The following BRSK1 variants were observed in gnomAD, a reference collection of about 807,000 sequenced individuals.
BRSK1 encodes serine/threonine-protein kinase BRSK1.
A neutral mutation model predicts 86.2 loss-of-function variants in BRSK1; 17 were observed. The ratio of observed to expected loss-of-function variants is 0.20; its 90% CI spans 0.14 to 0.30. The LOEUF (loss-of-function observed/expected upper bound fraction) is 0.30, where lower values mean the gene tolerates loss of function less well. BRSK1 is among the 10% of genes least tolerant of loss of function. BRSK1 has a pLI of 1.00. For synonymous variants in BRSK1, 464 were observed against 440.1 expected, an observed-to-expected ratio of 1.05 and a Z score of -0.68; for missense variants, 719 against 1,071.9, an observed-to-expected ratio of 0.67 and a Z score of 4.60.
At position 55,304,406 on chromosome 19, in the gene BRSK1, T is replaced by A. The variant is rs35123614; in HGVS notation, c.1348-145T>A. On this transcript the variant is annotated intron_variant, in intron 13 of 18. Coordinates refer to ENST00000309383, the MANE Select transcript of BRSK1 (RefSeq NM_032430.2). The surrounding 1 kb of genome is among the most constrained non-coding windows in gnomAD (Gnocchi z 5.2). Reference sequence around the variant, plus strand: ...GATAGAAAGTCTTTGCTATCCTTGCTCTGGGGCCTGGGAAGGAGGATACTT... The same window carrying A: ...GATAGAAAGTCTTTGCTATCCTTGCACTGGGGCCTGGGAAGGAGGATACTT... 94,305 of 1,077,822 alleles carry A rather than the reference T, an allele frequency of 0.087. 4,966 individuals carry two copies. The highest frequency in any genetic ancestry group is 0.18 in the African/African-American group (11,408 of 61,682). 66.8% of individuals were successfully genotyped at this position (1,077,822 alleles called of 1,614,324 possible).
Position 55,306,158 on chromosome 19 carries a change from C to T in BRSK1, c.1891-94C>T. The T allele has an allele frequency of 7.9e-7, 1 of 1,270,376 alleles. No homozygotes were observed. The highest frequency in any genetic ancestry group is 1.1e-6 in the Non-Finnish European group (1 of 904,074). The allele number at this position is 1,270,376 out of a possible 1,614,324, so 78.7% of individuals were successfully genotyped here. On this transcript the variant is annotated intron_variant, in intron 16 of 18. Transcript: ENST00000309383. This position sits in a 1 kb window ranked among gnomAD's most constrained non-coding sequence, Gnocchi z 4.7. Reference sequence around the variant, plus strand: ...TCCTGTCCTTCTTTCCCTCCAGTGGCTCATGGGACTCGTAGTTCCTTGGCC... The same window carrying T: ...TCCTGTCCTTCTTTCCCTCCAGTGGTTCATGGGACTCGTAGTTCCTTGGCC...
rs758318365 is a variant in BRSK1 at position 55,305,494 on chromosome 19, A to G, written c.1798A>G (p.Ile600Val). ...LAKRSWFGNF[I>V]SLDKEEQIFL... ...AAAACGCTCCTGGTTCGGGAACTTC[A>G]TCTCCTTGGACAAAGAAGAACAAAT... Residue 600 changes from isoleucine to valine, a missense_variant, in exon 16 of 19, where the codon ATC becomes GTC. Ile to Val is a conservative substitution (Grantham distance 29, BLOSUM62 3). Coordinates refer to ENST00000309383, the MANE Select transcript of BRSK1 (RefSeq NM_032430.2). 10 of 1,614,128 alleles carry G rather than the reference A, an allele frequency of 6.2e-6. No individual in the cohort carries two copies. Among genetic ancestry groups the G allele is most frequent in the Non-Finnish European group, 7.6e-6 (9 of 1,180,014 alleles).
intron 8 of BRSK1, 57 bp downstream of exon 8, chr19:55,301,715 C>T (rs1188952307): frequency 5.1e-6 from 8 of 1,570,050 alleles, no homozygotes; most frequent in South Asian, 3.4e-5. Flanking sequence ...AGACAGAACC[C>T]CCTAGAAAAG....
chr19:55,285,060 A>T (rs2088289631), intron 1 of BRSK1, among the ~76,000 whole-genome samples: 1 of 132,992 alleles, frequency 7.5e-6, no homozygotes, highest in Non-Finnish European at 1.6e-5. Context: ...TCTGGGTCTG[A>T]GGGAGGAGGG....
At chr19:55,296,845 C>T (rs1202546763) in intron 7 of BRSK1, among the ~76,000 whole-genome samples, 1 of 151,230 alleles carries the variant, frequency 6.6e-6, no homozygotes, top group Non-Finnish European at 1.5e-5. Flanking sequence ...GAGACTCCGT[C>T]TCAAAAAAAA....
In BRSK1 at chr19:55,305,543, C is replaced by T. The variant is rs1485282267; in HGVS notation, c.1847C>T (p.Pro616Leu). The T allele has an allele frequency of 1.2e-5, 20 of 1,614,084 alleles. No homozygotes were observed. Among genetic ancestry groups the T allele is most frequent in the African/African-American group, 2.7e-5 (2 of 74,936 alleles). Reference protein sequence around the residue: ...EQIFLVLKDKPLSSIKADIVH... With the variant: ...EQIFLVLKDKLLSSIKADIVH... ...ATATTCCTCGTGCTAAAGGACAAACCTCTCAGCAGCATCAAAGCAGACATC... is the reference window on the plus strand; with the variant it reads ...ATATTCCTCGTGCTAAAGGACAAACTTCTCAGCAGCATCAAAGCAGACATC... Residue 616 changes from proline (P) to leucine (L), a missense_variant, in exon 16 of 19, where the codon CCT (proline) becomes CTT (leucine). By Grantham distance (98) the Pro-to-Leu change is moderately conservative. This residue lies in a region of BRSK1 where 180 missense variants were observed against 259.4 expected (regional missense o/e 0.69). Transcript: ENST00000309383.
chr19:55,297,615 G>C (rs75987748), intron 7 of BRSK1, among the ~76,000 whole-genome samples: 1 of 151,772 alleles, frequency 6.6e-6, no homozygotes, highest in African/African-American at 2.4e-5. Context: ...CTCTGGAGAC[G>C]AGCTAAGAAT....
At chr19:55,291,005 T>TG (rs2088397847) in intron 4 of BRSK1, among the ~76,000 whole-genome samples, 1 of 75,012 alleles carries the variant, frequency 1.3e-5, no homozygotes, top group African/African-American at 6.3e-5. Context: ...ACTAAGGTCT[T>TG]CTGTATATTT....
Position 55,302,913 on chromosome 19 carries a change from C to G in BRSK1, c.1028+46C>G. 4.4e-6 allele frequency: 7 copies of G among 1,583,962 alleles called. No individual in the cohort carries two copies. The highest frequency in any genetic ancestry group is 6.0e-6 in the Non-Finnish European group (7 of 1,159,886). ...CACCCGTGTACCCACGTGGGGCGAG[C>G]TGCAGCAGCTCCCTGCGCACATGCA... On this transcript the variant is annotated intron_variant, in intron 10 of 18. Coordinates refer to ENST00000309383, the MANE Select transcript of BRSK1 (RefSeq NM_032430.2). This position sits in a 1 kb window ranked among gnomAD's most constrained non-coding sequence, Gnocchi z 6.3.
chr19:55,299,034 C>T (rs2088531589), intron 7 of BRSK1, among the ~76,000 whole-genome samples: 1 of 152,044 alleles, frequency 6.6e-6, no homozygotes, highest in Admixed American at 6.6e-5. Flanking sequence ...GAGTTCGAGA[C>T]CAGCCTGGCC....
chr19:55,305,212 C>G (rs929821783), intron 14 of BRSK1, 109 bp from the exon 15 acceptor site: 9 of 1,443,718 alleles, frequency 6.2e-6, no homozygotes, highest in Non-Finnish European at 8.6e-6. Context: ...TTGGCCGAGG[C>G]TGCAACCCAA....
chr19:55,284,145 C>A lies in BRSK1; in HGVS notation c.-298C>A. On this transcript the variant is annotated 5_prime_UTR_variant, in exon 1 of 19. Coordinates refer to ENST00000309383, the MANE Select transcript of BRSK1 (RefSeq NM_032430.2). ...CGGCCCGCACCTCAGACCCCCCCGG[C>A]GGGGGGAGGCGCAGGAAGCGGGGGG... The A allele has an allele frequency of 4.1e-6, 4 of 979,602 alleles. No individual in the cohort carries two copies. The highest frequency in any genetic ancestry group is 1.8e-5 in the African/African-American group (1 of 55,032). The allele number at this position is 979,602 out of a possible 1,614,324, so 60.7% of individuals were successfully genotyped here. A position where few individuals can be genotyped will look rare whatever the true frequency, so the allele number is the denominator to read the frequency against.
Position 55,302,341 on chromosome 19 carries a change from G to C in BRSK1, c.857+173G>C. 1.3e-6 allele frequency: 1 copy of C among 776,054 alleles called. No individual in the cohort carries two copies. The highest frequency in any genetic ancestry group is 2.2e-6 in the Non-Finnish European group (1 of 454,124). 48.1% of individuals were successfully genotyped at this position (776,054 alleles called of 1,614,324 possible). On this transcript the variant is annotated intron_variant, in intron 9 of 18. Coordinates refer to ENST00000309383, the MANE Select transcript of BRSK1 (RefSeq NM_032430.2). This position sits in a 1 kb window ranked among gnomAD's most constrained non-coding sequence, Gnocchi z 6.3. Reference sequence around the variant, plus strand: ...ACACAGCTAGAGAAGGAGTCTAGGGGTCAGAGGCAGGAGGGGCTAAGCTAG... The same window carrying C: ...ACACAGCTAGAGAAGGAGTCTAGGGCTCAGAGGCAGGAGGGGCTAAGCTAG...
rs2088329161 is a variant in BRSK1 at position 55,287,117 on chromosome 19, G to C, written c.231+16G>C. 1 of 1,612,496 alleles carries C rather than the reference G, an allele frequency of 6.2e-7. No homozygotes were observed. Among genetic ancestry groups the C allele is most frequent in the East Asian group, 2.2e-5 (1 of 44,714 alleles). On this transcript the variant is annotated intron_variant, in intron 2 of 18. Transcript: ENST00000309383. This position sits in a 1 kb window ranked among gnomAD's most constrained non-coding sequence, Gnocchi z 5.3. Reference sequence around the variant, plus strand: ...GCTGATGAAGGTGTGTGCGCCTGCTGCAGTGTGCCTGCGGGTGGGGGGGCC... The same window carrying C: ...GCTGATGAAGGTGTGTGCGCCTGCTCCAGTGTGCCTGCGGGTGGGGGGGCC...
Position 55,308,695 on chromosome 19 carries a change from A to C in BRSK1, c.2146A>C (p.Thr716Pro). 1 of 1,601,720 alleles carries C rather than the reference A, an allele frequency of 6.2e-7. No individual in the cohort carries two copies. Among genetic ancestry groups the C allele is most frequent in the Non-Finnish European group, 8.5e-7 (1 of 1,175,656 alleles). The change falls in exon 18 of 19, where the codon ACT (threonine) becomes CCT (proline). Residue 716 changes from threonine to proline, a missense_variant. Thr to Pro is a conservative substitution (Grantham distance 38). Transcript: ENST00000309383. ...VETIQAQLLS[T>P]HDQPSVQALA... ...GACCATCCAGGCACAGCTCCTGAGC[A>C]CTCATGACCAGCCCTCCGTGCAGGC...
chr19:55,302,277 G>GAT lies in BRSK1; in HGVS notation c.857+109_857+110insAT, dbSNP rs1600185754. 30 of 1,293,238 alleles carry GAT rather than the reference G, an allele frequency of 2.3e-5. No homozygotes were observed. The East Asian group carries it at 6.9e-4, about 30-fold the overall frequency. The allele number at this position is 1,293,238 out of a possible 1,614,324, so 80.1% of individuals were successfully genotyped here. A position where few individuals can be genotyped will look rare whatever the true frequency, so the allele number is the denominator to read the frequency against. On this transcript the variant is annotated intron_variant, in intron 9 of 18. Coordinates refer to ENST00000309383, the MANE Select transcript of BRSK1 (RefSeq NM_032430.2). The surrounding 1 kb of genome is among the most constrained non-coding windows in gnomAD (Gnocchi z 6.3). ...GATGCCAGGGTTCCTGAGAGGCAAC[G>GAT]GGCTAGGGACTCGGACTTATGGGTC...
chr19:55,311,943 G>A lies in BRSK1; in HGVS notation c.2212G>A (p.Gly738Ser). Reference sequence around the variant, plus strand: ...GAACGGGGCCCAGACCCGGCCTGCTGGTGCCCCACCCCGAAGCCTGCAGCC... The same window carrying A: ...GAACGGGGCCCAGACCCGGCCTGCTAGTGCCCCACCCCGAAGCCTGCAGCC... ...EKNGAQTRPA[G>S]APPRSLQPPP... Residue 738 changes from glycine to serine, a missense_variant, in exon 19 of 19, where the codon GGT (glycine) becomes AGT (serine). Physicochemically the swap from Gly to Ser is moderately conservative, Grantham distance 56. This residue lies in a region of BRSK1 where 82 missense variants were observed against 72.6 expected (regional missense o/e 1.13). Transcript: ENST00000309383. The A allele has an allele frequency of 1.2e-6, 2 of 1,611,226 alleles. No individual in the cohort carries two copies. Among genetic ancestry groups the A allele is most frequent in the Non-Finnish European group, 8.5e-7 (1 of 1,179,014 alleles).
chr19:55,287,141 C>G lies in BRSK1; in HGVS notation c.231+40C>G, dbSNP rs1361025845. On this transcript the variant is annotated intron_variant, in intron 2 of 18. Transcript: ENST00000309383. The surrounding 1 kb of genome is among the most constrained non-coding windows in gnomAD (Gnocchi z 5.3). ...TGCAGTGTGCCTGCGGGTGGGGGGG[C>G]CTCCGGGGCTGAGGGCAGGGGCGGG... The G allele has an allele frequency of 1.6e-5, 25 of 1,611,684 alleles. No individual in the cohort carries two copies. Among genetic ancestry groups the G allele is most frequent in the Non-Finnish European group, 2.1e-5 (25 of 1,178,344 alleles).
chr19:55,294,535 C>T lies in BRSK1; in HGVS notation c.678+138C>T, dbSNP rs928813664. The T allele has an allele frequency of 1.9e-5, 22 of 1,136,854 alleles. No individual in the cohort carries two copies. Among genetic ancestry groups the T allele is most frequent in the East Asian group, 5.2e-5 (2 of 38,532 alleles). 70.4% of individuals were successfully genotyped at this position (1,136,854 alleles called of 1,614,324 possible). ...TATTTATTTTGAGACAGAGTCTTGC[C>T]CCGTCGCCTAGGCTGGAGTGCAGTG... On this transcript the variant is annotated intron_variant, in intron 7 of 18. Transcript: ENST00000309383. This position sits in a 1 kb window ranked among gnomAD's most constrained non-coding sequence, Gnocchi z 4.9.
Sources: gnomAD v4.1 joint callset for allele counts (sites outside exome capture counted in the v4.1 genomes callset) on GRCh38, gnomAD v4.1.1 for gene constraint, gnomAD v4.1.1 regional missense constraint, Gnocchi (gnomAD v3.1) non-coding constraint, MANE v1.5 for transcripts, NCBI Gene and HGNC (gene_info 2026-07-23, HGNC 2026-07-21) for gene names.